Variants in SMO observed in about 807,000 individuals in gnomAD.
SMO encodes the protein smoothened, frizzled class receptor.
In SMO, 40 loss-of-function variants were observed where a neutral mutation model predicts 81.6. The ratio of observed to expected loss-of-function variants is 0.49; its 90% CI spans 0.38 to 0.64. SMO has a LOEUF of 0.64. Ranked by LOEUF, SMO falls within the 30% of genes least tolerant of loss-of-function variation. SMO has a pLI of 0.00. For synonymous variants in SMO, 434 were observed against 432.1 expected (o/e 1.00, Z -0.05); for missense variants, 916 against 1,061.1 (o/e 0.86, Z 1.90).
chr7:129,211,217 T>A lies in SMO; in HGVS notation c.1801+104T>A. ...CACACAGATTATTTGGAAGACCGAC[T>A]GTGAGGAGCAAGGCGCTCCCTCCAT... is the stretch of plus-strand genomic sequence containing the variant. On this transcript the variant is annotated intron_variant, in intron 10 of 11. Coordinates refer to ENST00000249373, the MANE Select transcript of SMO (RefSeq NM_005631.5). This position sits in a 1 kb window ranked among gnomAD's most constrained non-coding sequence, Gnocchi z 4.6. The A allele has an allele frequency of 7.8e-7, 1 of 1,277,728 alleles. No individual in the cohort carries two copies. Among genetic ancestry groups the A allele is most frequent in the Non-Finnish European group, 1.1e-6 (1 of 906,402 alleles). 79.1% of individuals were successfully genotyped at this position (1,277,728 alleles called of 1,614,324 possible). A position where few individuals can be genotyped will look rare whatever the true frequency, so the allele number is the denominator to read the frequency against.
intron 2 of SMO, among the ~76,000 whole-genome samples, chr7:129,204,099 G>A (rs1450669794): frequency 6.6e-6 from 1 of 152,088 alleles, no homozygotes; most frequent in Non-Finnish European, 1.5e-5. Flanking sequence ...TTGGGAGGTC[G>A]AGGTGGGCAG....
chr7:129,190,320 A>C (rs569757479), intron 1 of SMO, among the ~76,000 whole-genome samples: 109 of 152,310 alleles, frequency 7.2e-4, no homozygotes, highest in Non-Finnish European at 1.1e-3. Context: ...AAAACTGCAC[A>C]CTGAACCCAA....
rs541359801 is a variant in SMO at position 129,189,311 on chromosome 7, G to A, written c.160G>A (p.Val54Met). 1,267 of 1,483,176 alleles carry A rather than the reference G, an allele frequency of 8.5e-4. 2 individuals are homozygous for A. Among genetic ancestry groups the A allele is most frequent in the Middle Eastern group, 2.1e-3 (9 of 4,304 alleles). 91.9% of individuals were successfully genotyped at this position (1,483,176 alleles called of 1,614,324 possible). Residue 54 changes from valine (V) to methionine (M), a missense_variant, in exon 1 of 12, where the codon GTG becomes ATG. Val to Met is a conservative substitution (Grantham distance 21, BLOSUM62 1). This residue lies in a region of SMO where 146 missense variants were observed against 149.9 expected (regional missense o/e 0.97). Transcript: ENST00000249373. The surrounding 1 kb of genome is among the most constrained non-coding windows in gnomAD (Gnocchi z 4.7). ...AGGSARRSAA[V>M]TGPPPPLSHC... Reference sequence around the variant, plus strand: ...CGGGAGCGCGAGGAGGAGCGCGGCGGTGACTGGCCCTCCGCCGCCGCTGAG... The same window carrying A: ...CGGGAGCGCGAGGAGGAGCGCGGCGATGACTGGCCCTCCGCCGCCGCTGAG...
chr7:129,191,947 A>G (rs1196506028), intron 1 of SMO, among the ~76,000 whole-genome samples: 4 of 152,288 alleles, frequency 2.6e-5, no homozygotes, highest in East Asian at 3.9e-4. Context: ...CAGGCTGGAC[A>G]TGGTGCTCAC....
chr7:129,209,080 A>G (rs1793821106), intron 7 of SMO: 12 of 608,598 alleles, frequency 2.0e-5, no homozygotes, highest in Non-Finnish European at 3.2e-5. Context: ...CCTCCTGCCC[A>G]CTACGTCCCA....
chr7:129,189,117 G>T lies in SMO; in HGVS notation c.-35G>T, dbSNP rs543363913. On this transcript the variant is annotated 5_prime_UTR_variant, in exon 1 of 12. Coordinates refer to ENST00000249373, the MANE Select transcript of SMO (RefSeq NM_005631.5). This position sits in a 1 kb window ranked among gnomAD's most constrained non-coding sequence, Gnocchi z 4.7. ...GGGGGGCTCCGAGGAGCAGGCGGGG[G>T]CGCCGGGGCTTTTGCTGAGTTGGCG... is the stretch of plus-strand genomic sequence containing the variant. The T allele has an allele frequency of 7.3e-4, 882 of 1,203,812 alleles. 9 individuals are homozygous for T. In the African/African-American group the frequency reaches 0.012, roughly 17 times the overall value. 74.6% of individuals were successfully genotyped at this position (1,203,812 alleles called of 1,614,324 possible).
chr7:129,209,646 G>A (rs978258699), intron 8 of SMO: 4 of 477,082 alleles, frequency 8.4e-6, no homozygotes, highest in African/African-American at 7.8e-5. Context: ...GTGCATGTGT[G>A]ACTGTTAAGC....
rs2150656386 is a variant in SMO, at chr7:129,212,078, A to G, written c.1991A>G (p.Glu664Gly). ...LWLVEAEISP[E>G]LQKRLGRKKK... ...CTGGTTGAGGCAGAGATCTCCCCAG[A>G]GCTGCAGAAGCGCCTGGGCCGGAAG... is the stretch of plus-strand genomic sequence containing the variant. The change falls in exon 12 of 12, where the codon GAG becomes GGG. Residue 664 changes from glutamate to glycine, a missense_variant. By Grantham distance (98) the Glu-to-Gly change is moderately conservative (BLOSUM62 -2). Coordinates refer to ENST00000249373, the MANE Select transcript of SMO (RefSeq NM_005631.5). The surrounding 1 kb of genome is among the most constrained non-coding windows in gnomAD (Gnocchi z 5.0). 1 of 1,587,038 alleles carries G rather than the reference A, an allele frequency of 6.3e-7. No individual in the cohort carries two copies. Among genetic ancestry groups the G allele is most frequent in the Non-Finnish European group, 8.5e-7 (1 of 1,171,602 alleles).
chr7:129,202,066 A>G (rs1448328178), intron 1 of SMO, among the ~76,000 whole-genome samples: 1 of 152,192 alleles, frequency 6.6e-6, no homozygotes, highest in Non-Finnish European at 1.5e-5. Flanking sequence ...GCACCCTGGA[A>G]TATACTCTGA....
chr7:129,197,823 T>C (rs908290653), intron 1 of SMO, among the ~76,000 whole-genome samples: 2 of 152,172 alleles, frequency 1.3e-5, no homozygotes, highest in Admixed American at 1.3e-4. Flanking sequence ...TTTTCTAATA[T>C]TAAACCAGCC....
At chr7:129,209,233 ACTG>A in intron 7 of SMO, 53 bp from the exon 8 acceptor site, 2 of 1,054,740 alleles carry the variant, frequency 1.9e-6, no homozygotes, top group South Asian at 2.5e-5. Context: ...TCTCCTCCCC[ACTG>A]CTGCTGCGGG....
chr7:129,194,580 A>T (rs557728029), intron 1 of SMO, among the ~76,000 whole-genome samples: 2 of 152,028 alleles, frequency 1.3e-5, no homozygotes, highest in Non-Finnish European at 2.9e-5. Context: ...CAGTAATCAC[A>T]TCCTTTTTTT....
At position 129,211,998 on chromosome 7, in the gene SMO, G is replaced by T. The variant is rs1265479313; in HGVS notation, c.1937-26G>T. 1.3e-6 allele frequency: 2 copies of T among 1,557,982 alleles called. No individual in the cohort carries two copies. The highest frequency in any genetic ancestry group is 1.7e-6 in the Non-Finnish European group (2 of 1,158,876). ...GGCATGGACAGAGCCAGGGCCCCAG[G>T]CTCGTGTTGTCTCTCCTCCTGTCAG... is the stretch of plus-strand genomic sequence containing the variant. On this transcript the variant is annotated intron_variant, in intron 11 of 11. Coordinates refer to ENST00000249373, the MANE Select transcript of SMO (RefSeq NM_005631.5). This position sits in a 1 kb window ranked among gnomAD's most constrained non-coding sequence, Gnocchi z 4.6.
In SMO at chr7:129,189,607, G is replaced by C. The variant is rs1584651550; in HGVS notation, c.331+125G>C. On this transcript the variant is annotated intron_variant, in intron 1 of 11. Transcript: ENST00000249373. This position sits in a 1 kb window ranked among gnomAD's most constrained non-coding sequence, Gnocchi z 4.7. ...GGGGACAGCACCCGGGAGAGTTGGAGGGACAGATCCCGAAACTTTGGGGGC... is the reference window on the plus strand; with the variant it reads ...GGGGACAGCACCCGGGAGAGTTGGACGGACAGATCCCGAAACTTTGGGGGC... 9.3e-7 allele frequency: 1 copy of C among 1,075,714 alleles called. No individual in the cohort carries two copies. The highest frequency in any genetic ancestry group is 2.8e-5 in the East Asian group (1 of 35,856). 66.6% of individuals were successfully genotyped at this position (1,075,714 alleles called of 1,614,324 possible).
At chr7:129,199,301 T>G (rs1793629232) in intron 1 of SMO, among the ~76,000 whole-genome samples, 1 of 149,900 alleles carries the variant, frequency 6.7e-6, no homozygotes. Flanking sequence ...TGCCTCAGCC[T>G]CCCAAGAAGC....
chr7:129,189,219 TG>T lies in SMO; in HGVS notation c.73del (p.Asp25ThrfsTer30). On this transcript the variant is annotated frameshift_variant, in exon 1 of 12. Transcript: ENST00000249373. LOFTEE classifies it high-confidence loss of function. The surrounding 1 kb of genome is among the most constrained non-coding windows in gnomAD (Gnocchi z 4.7). ...PLLGLLLLLLLGDPGRGAASS... is the reference protein window; with the variant it reads ...PLLGLLLLLLXGDPGRGAASS... ...CTGGGGCTGCTGCTGCTGCTGCTGC[TG>T]GGGGACCCGGGCCGGGGGGCGGCCT... is the stretch of plus-strand genomic sequence containing the variant. 8.7e-7 allele frequency: 1 copy of T among 1,144,448 alleles called. No homozygotes were observed. The highest frequency in any genetic ancestry group is 1.1e-6 in the Non-Finnish European group (1 of 912,116). The allele number at this position is 1,144,448 out of a possible 1,614,324, so 70.9% of individuals were successfully genotyped here.
chr7:129,203,107 G>A (rs780244534), intron 1 of SMO, among the ~76,000 whole-genome samples: 9 of 152,122 alleles, frequency 5.9e-5, no homozygotes, highest in South Asian at 2.1e-4. Context: ...TCTAGTCACC[G>A]TCCCTAGAGT....
At chr7:129,195,962 G>A (rs961547888) in intron 1 of SMO, among the ~76,000 whole-genome samples, 9 of 151,856 alleles carry the variant, frequency 5.9e-5, no homozygotes, top group East Asian at 3.9e-4. Context: ...TTAGCCGGGC[G>A]CGGTGGTGGG....
In SMO at chr7:129,189,736, C is replaced by A. The variant is rs149969720; in HGVS notation, c.331+254C>A. 1.3e-5 allele frequency among the ~76,000 whole-genome samples: 2 copies of A among 151,908 alleles called. No homozygotes were observed. Among genetic ancestry groups the A allele is most frequent in the South Asian group, 4.2e-4 (2 of 4,816 alleles). On this transcript the variant is annotated intron_variant, in intron 1 of 11. Coordinates refer to ENST00000249373, the MANE Select transcript of SMO (RefSeq NM_005631.5). The surrounding 1 kb of genome is among the most constrained non-coding windows in gnomAD (Gnocchi z 4.7). The stretch of plus-strand genomic sequence containing the variant: ...GAGCTGGTGGGTGAGCAAAGGATGG[C>A]GGGGATGAGGGGCCCGTGAGGAGGT...
Sources: allele counts gnomAD v4.1 joint callset (sites outside exome capture counted in the v4.1 genomes callset), GRCh38; gene constraint gnomAD v4.1.1; regional missense constraint gnomAD v4.1.1; non-coding constraint Gnocchi (gnomAD v3.1); transcripts MANE v1.5; gene names NCBI Gene and HGNC (gene_info 2026-07-23, HGNC 2026-07-21).